The following DMD variants were observed in gnomAD, a reference collection of about 807,000 sequenced individuals.
DMD encodes the protein mutant dystrophin.
In DMD, 63 loss-of-function variants were observed where a neutral mutation model predicts 330.1. The ratio of observed to expected loss-of-function variants is 0.19; its 90% CI spans 0.16 to 0.24. The LOEUF is 0.24. Ranked by LOEUF, DMD falls within the 10% of genes least tolerant of loss-of-function variation. The pLI, the probability that DMD is intolerant of heterozygous loss-of-function variation, is 1.00. For synonymous variants in DMD, 1,223 were observed against 959.8 expected (o/e 1.27, Z -5.07); for missense variants, 3,344 against 2,684.1 (o/e 1.25, Z -5.43).
At chrX:32,293,363 G>A (rs139200499) in intron 42 of DMD, among the ~76,000 whole-genome samples, 1,604 of 111,558 alleles carry the variant, frequency 0.014, 28 homozygotes, top group African/African-American at 0.05. Context: ...GGAAAGCATG[G>A]GCAGAGGAAG....
chrX:31,680,894 GA>G (rs2082344764), intron 52 of DMD, among the ~76,000 whole-genome samples: 1 of 111,629 alleles, frequency 9.0e-6, no homozygotes, highest in Admixed American at 9.5e-5. Context: ...AAATAATACA[GA>G]AAACAAGTAA....
At chrX:33,110,057 C>A (rs771282192) in intron 1 of DMD, among the ~76,000 whole-genome samples, 1 of 111,684 alleles carries the variant, frequency 9.0e-6, no homozygotes, top group Non-Finnish European at 1.9e-5. Flanking sequence ...GTGACTTCGA[C>A]TTTGCACCTA....
chrX:32,508,764 C>G (rs1366034452), intron 18 of DMD, among the ~76,000 whole-genome samples: 1 of 111,559 alleles, frequency 9.0e-6, no homozygotes, highest in Non-Finnish European at 1.9e-5. Flanking sequence ...TGTGCTCATT[C>G]TACTTAAAGG....
At chrX:32,764,872 A>T (rs1486724850) in intron 7 of DMD, among the ~76,000 whole-genome samples, 1 of 110,688 alleles carries the variant, frequency 9.0e-6, no homozygotes, top group Non-Finnish European at 1.9e-5. Flanking sequence ...ATTTGTTTCC[A>T]CAGTGACTGC....
At chrX:31,728,398 A>G (rs1262235293) in intron 52 of DMD, among the ~76,000 whole-genome samples, 10 of 112,148 alleles carry the variant, frequency 8.9e-5, no homozygotes, top group African/African-American at 3.2e-4. Flanking sequence ...AAGATTCTGT[A>G]AAGATTTTGT....
At chrX:32,117,220 A>G (rs1004914163) in intron 44 of DMD, among the ~76,000 whole-genome samples, 19 of 111,091 alleles carry the variant, frequency 1.7e-4, no homozygotes, top group African/African-American at 6.2e-4. Flanking sequence ...GAGCTGTCAC[A>G]TGGAGAAATG....
At chrX:32,197,125 G>T (rs1253605128) in intron 44 of DMD, among the ~76,000 whole-genome samples, 1 of 110,320 alleles carries the variant, frequency 9.1e-6, no homozygotes, top group Non-Finnish European at 1.9e-5. Context: ...ATCTTAATAA[G>T]TATGATGAGC....
chrX:31,511,333 TTTA>T (rs1350672061), intron 55 of DMD, among the ~76,000 whole-genome samples: 3,963 of 102,092 alleles, frequency 0.039, 184 homozygotes, highest in African/African-American at 0.12. Flanking sequence ...TATTTATTTA[TTTA>T]TTATTATTAT....
At chrX:32,693,483 C>A (rs1320685409) in intron 9 of DMD, among the ~76,000 whole-genome samples, 1 of 111,872 alleles carries the variant, frequency 8.9e-6, no homozygotes, top group Non-Finnish European at 1.9e-5. Context: ...CCCTGTCACC[C>A]AGGCTGGAGT....
chrX:32,753,520 T>C (rs1346628832), intron 7 of DMD, among the ~76,000 whole-genome samples: 1 of 111,830 alleles, frequency 8.9e-6, no homozygotes, highest in Non-Finnish European at 1.9e-5. Context: ...CTGCCACTCA[T>C]AGTAAGCCAC....
intron 43 of DMD, among the ~76,000 whole-genome samples, chrX:32,238,147 G>A (rs148229019): frequency 0.017 from 1,864 of 111,830 alleles, 40 homozygotes; most frequent in African/African-American, 0.057. Context: ...ATATATTGTT[G>A]AATAACAAGT....
At chrX:32,408,507 C>G (rs963260226) in intron 30 of DMD, among the ~76,000 whole-genome samples, 1 of 111,639 alleles carries the variant, frequency 9.0e-6, no homozygotes, top group East Asian at 2.8e-4. Flanking sequence ...CTGAGGATCT[C>G]AAACGATCTT....
intron 1 of DMD, among the ~76,000 whole-genome samples, chrX:33,180,869 C>T (rs1246692377): frequency 5.3e-5 from 5 of 94,671 alleles, no homozygotes; most frequent in South Asian, 4.9e-4. Context: ...TTTTAAGAGC[C>T]TTTGAAAACA....
At chrX:32,594,612 G>C (rs955587343) in intron 13 of DMD, among the ~76,000 whole-genome samples, 1 of 111,157 alleles carries the variant, frequency 9.0e-6, no homozygotes, top group South Asian at 3.8e-4. Flanking sequence ...AGTCTCTGAA[G>C]CTACCCTAGA....
chrX:32,257,979 A>G (rs774041845), intron 43 of DMD, among the ~76,000 whole-genome samples: 258 of 109,570 alleles, frequency 2.4e-3, no homozygotes, highest in African/African-American at 8.2e-3. Context: ...AAGAAAAAAA[A>G]AAACCCATCA....
chrX:32,046,397 TG>T (rs2096064836), intron 44 of DMD, among the ~76,000 whole-genome samples: 1 of 112,778 alleles, frequency 8.9e-6, no homozygotes, highest in Non-Finnish European at 1.9e-5. Flanking sequence ...AGTTCTATTT[TG>T]TTTTGTTCTT....
At position 31,487,231 on chromosome X, in the gene DMD, C is replaced by T. The variant is rs775497176; in HGVS notation, c.8548-8128G>A. ...TCATCTTTTCTTATTGAGATAAGAACACTTAATATGAACTTTACCCTGTTA... is the reference window on the plus strand; with the variant it reads ...TCATCTTTTCTTATTGAGATAAGAATACTTAATATGAACTTTACCCTGTTA... On this transcript the variant is annotated intron_variant, in intron 57 of 78. Coordinates refer to ENST00000357033, the MANE Select transcript of DMD (RefSeq NM_004006.3). Among the ~76,000 whole-genome samples the T allele has an allele frequency of 2.7e-5, 3 of 111,093 alleles. No individual in the cohort carries two copies. In the East Asian group the frequency reaches 8.4e-4, roughly 31 times the overall value.
chrX:33,284,668 A>AT (rs1230874316), intron 1 of DMD, among the ~76,000 whole-genome samples: 1 of 99,022 alleles, frequency 1.0e-5, no homozygotes, highest in African/African-American at 3.5e-5. Context: ...AGGCCCTTTT[A>AT]TGGGCCTATA....
chrX:31,451,095 TTTG>T (rs2065680860), intron 59 of DMD, among the ~76,000 whole-genome samples: 2 of 107,843 alleles, frequency 1.9e-5, no homozygotes, highest in Non-Finnish European at 3.8e-5. Context: ...GCACTTATAT[TTTG>T]TTTTTTTTTT....
Sources: allele counts gnomAD v4.1 joint callset (sites outside exome capture counted in the v4.1 genomes callset), GRCh38; gene constraint gnomAD v4.1.1; transcripts MANE v1.5; gene names NCBI Gene and HGNC (gene_info 2026-07-23, HGNC 2026-07-21).